The following CCR3 variants were observed in gnomAD, a reference collection of about 807,000 sequenced individuals.
CCR3 encodes C-C motif chemokine receptor 3.
For missense variants in CCR3, 419 were observed against 437.5 expected (o/e 0.96, Z 0.38); for synonymous variants, 203 against 179.2 (o/e 1.13, Z -1.06).
At chr3:46,216,314 T>C (rs762788763) in intron 2 of CCR3, among the ~76,000 whole-genome samples, 1 of 152,156 alleles carries the variant, frequency 6.6e-6, no homozygotes, top group Non-Finnish European at 1.5e-5. Context: ...TTGTACTATG[T>C]ACACACTGCA....
intron 2 of CCR3, among the ~76,000 whole-genome samples, chr3:46,226,175 C>T (rs1699892950): frequency 6.6e-6 from 1 of 152,026 alleles, no homozygotes; most frequent in Admixed American, 6.6e-5. Flanking sequence ...TGTGACTTTC[C>T]ATATAAACTT....
chr3:46,229,997 T>C (rs1699943848), intron 2 of CCR3, among the ~76,000 whole-genome samples: 1 of 151,990 alleles, frequency 6.6e-6, no homozygotes, highest in South Asian at 2.1e-4. Context: ...TGCCTCAGAG[T>C]CTATTCTGAC....
chr3:46,238,923 G>A (rs193205649), upstream of CCR3, among the ~76,000 whole-genome samples: 33 of 152,278 alleles, frequency 2.2e-4, no homozygotes, highest in African/African-American at 6.5e-4. Context: ...GCAGATCAGC[G>A]GTTGCCTGGG....
upstream of CCR3, chr3:46,242,285 G>A (rs1439602789): frequency 1.3e-5 from 2 of 152,150 alleles, no homozygotes; most frequent in Non-Finnish European, 2.9e-5. Context: ...CTGCACGAAA[G>A]TATCTTTCTG....
At position 46,266,189 on chromosome 3, in the gene CCR3, C is replaced by T; in HGVS notation, c.1031C>T (p.Pro344Leu). The part of the protein sequence containing the change: ...EKLERTSSVS[P>L]STAEPELSIV... ...CTGGAAAGAACCAGCTCTGTCTCTC[C>T]ATCCACAGCAGAGCCGGAACTCTCT... The change falls in exon 2 of 2, where the codon CCA becomes CTA. Residue 344 changes from proline to leucine, a missense_variant. Transcript: ENST00000395940. 6.2e-7 allele frequency: 1 copy of T among 1,613,658 alleles called. No individual in the cohort carries two copies. The highest frequency in any genetic ancestry group is 1.1e-5 in the South Asian group (1 of 91,040).
intron 2 of CCR3, among the ~76,000 whole-genome samples, chr3:46,217,962 A>T (rs1016045596): frequency 1.3e-5 from 2 of 151,538 alleles, no homozygotes; most frequent in Non-Finnish European, 2.9e-5. Flanking sequence ...AAATACAAAG[A>T]TCAGAGCAGA....
chr3:46,215,944 A>G (rs910902330), intron 2 of CCR3, among the ~76,000 whole-genome samples: 1 of 152,216 alleles, frequency 6.6e-6, no homozygotes, highest in East Asian at 1.9e-4. Context: ...TCATGGGAAT[A>G]GCCAGAATCT....
chr3:46,236,361 C>T (rs548413756), intron 2 of CCR3, among the ~76,000 whole-genome samples: 1 of 152,370 alleles, frequency 6.6e-6, no homozygotes, highest in Non-Finnish European at 1.5e-5. Context: ...GCTGCCCTCA[C>T]CATGGTGGTG....
chr3:46,243,317 C>T (rs1015289872), intron 1 of CCR3, among the ~76,000 whole-genome samples: 1 of 151,936 alleles, frequency 6.6e-6, no homozygotes, highest in East Asian at 1.9e-4. Flanking sequence ...ATTTTTGATC[C>T]GTGATTGGTT....
chr3:46,222,534 C>T (rs1435212691), intron 2 of CCR3, among the ~76,000 whole-genome samples: 3 of 152,098 alleles, frequency 2.0e-5, no homozygotes, highest in South Asian at 2.1e-4. Flanking sequence ...TTCAGGGCCC[C>T]ACCCCACAGA....
At chr3:46,248,501 C>G (rs1700242839) in intron 1 of CCR3, among the ~76,000 whole-genome samples, 1 of 152,118 alleles carries the variant, frequency 6.6e-6, no homozygotes, top group South Asian at 2.1e-4. Flanking sequence ...CTGCACTAAC[C>G]ATGCCTAGGA....
At chr3:46,229,332 G>A (rs1475071440) in intron 2 of CCR3, among the ~76,000 whole-genome samples, 1 of 152,140 alleles carries the variant, frequency 6.6e-6, no homozygotes, top group African/African-American at 2.4e-5. Flanking sequence ...AGCTTTACAT[G>A]ATCAATGAAT....
intron 1 of CCR3, among the ~76,000 whole-genome samples, chr3:46,245,136 A>T (rs1700165446): frequency 6.6e-6 from 1 of 152,064 alleles, no homozygotes; most frequent in African/African-American, 2.4e-5. Context: ...ATTATTAATG[A>T]TTGGAAGCTC....
Position 46,266,451 on chromosome 3 carries a change from G to A in CCR3, c.*225G>A. 2.3e-6 allele frequency: 1 copy of A among 432,228 alleles called. No individual in the cohort carries two copies. Among genetic ancestry groups the A allele is most frequent in the Admixed American group, 4.0e-5 (1 of 25,064 alleles). 26.8% of individuals were successfully genotyped at this position (432,228 alleles called of 1,614,324 possible). ...GCGTACTCATCATCAACCCTAAAAA[G>A]CAGAGCTTTGCTTCTCTCTCTAAAA... is the stretch of plus-strand genomic sequence containing the variant. On this transcript the variant is annotated 3_prime_UTR_variant, in exon 2 of 2. Transcript: ENST00000395940.
chr3:46,242,482 T>G lies in CCR3; in HGVS notation c.-68T>G, dbSNP rs201681652. 6 of 152,182 alleles carry G rather than the reference T, an allele frequency of 3.9e-5. No homozygotes were observed. Among genetic ancestry groups the G allele is most frequent in the Admixed American group, 6.5e-5 (1 of 15,278 alleles). The allele number at this position is 152,182 out of a possible 1,614,324, so 9.4% of individuals were successfully genotyped here. On this transcript the variant is annotated 5_prime_UTR_variant, in exon 1 of 2. Transcript: ENST00000395940. ...GGTACCACTGGTCTTCTTGTGCTTA[T>G]CCGGGCAAGAACTTATCGAAATACA...
intron 2 of CCR3, among the ~76,000 whole-genome samples, chr3:46,222,407 C>T (rs757447469): frequency 6.6e-6 from 1 of 152,156 alleles, no homozygotes; most frequent in Non-Finnish European, 1.5e-5. Context: ...ATTTGTCGCC[C>T]TCTTGCTGCT....
At chr3:46,242,982 C>CACATATATATATATATATATACACATAT (rs146505046) in intron 1 of CCR3, among the ~76,000 whole-genome samples, 1 of 99,326 alleles carries the variant, frequency 1.0e-5, no homozygotes, top group Non-Finnish European at 1.9e-5. Context: ...TATATATACA[C>CACATATATATATATATATATACACATAT]ATATATATAT....
chr3:46,262,098 T>C (rs1700537266), intron 1 of CCR3, among the ~76,000 whole-genome samples: 1 of 152,116 alleles, frequency 6.6e-6, no homozygotes, highest in South Asian at 2.1e-4. Flanking sequence ...TTCCTCCAGA[T>C]CTCTGCCACC....
upstream of CCR3, among the ~76,000 whole-genome samples, chr3:46,241,276 G>A (rs1336729594): frequency 6.6e-6 from 1 of 151,726 alleles, no homozygotes; most frequent in Non-Finnish European, 1.5e-5. Flanking sequence ...CATATCAAAC[G>A]TTTGATAAAC....
Sources: allele counts gnomAD v4.1 joint callset (sites outside exome capture counted in the v4.1 genomes callset), GRCh38; gene constraint gnomAD v4.1.1; transcripts MANE v1.5; gene names NCBI Gene and HGNC (gene_info 2026-07-23, HGNC 2026-07-21).